The following CUX1 variants were observed in gnomAD, a reference collection of about 807,000 sequenced individuals.
CUX1 encodes the protein protein CASP.
CUX1 carries 31 observed loss-of-function variants against 158.8 expected under a neutral mutation model. That is an observed-to-expected ratio of 0.20 (90% CI 0.15 to 0.26). The LOEUF is 0.26. Ranked by LOEUF, CUX1 falls within the 10% of genes least tolerant of loss-of-function variation. The probability of loss-of-function intolerance (pLI) is 1.00; values close to 1 mark genes in which losing one functional copy is unlikely to be tolerated. For synonymous variants in CUX1, 879 were observed against 862.1 expected (o/e 1.02, Z -0.34); for missense variants, 1,589 against 2,014.6 (o/e 0.79, Z 4.04).
intron 1 of CUX1, among the ~76,000 whole-genome samples, chr7:101,887,138 C>CTTTGCT (rs1307690443): frequency 6.6e-6 from 1 of 152,094 alleles, no homozygotes; most frequent in African/African-American, 2.4e-5. Flanking sequence ...TTTGCAGGGA[C>CTTTGCT]GGTTTGGAAG....
intron 2 of CUX1, among the ~76,000 whole-genome samples, chr7:102,020,300 T>C (rs1391440487): frequency 1.3e-5 from 2 of 152,244 alleles, no homozygotes; most frequent in African/African-American, 4.8e-5. Flanking sequence ...GATGGTTATA[T>C]GGTTCATCTT....
At chr7:102,080,830 C>CTTT (rs1827300520) in intron 4 of CUX1, among the ~76,000 whole-genome samples, 1 of 152,146 alleles carries the variant, frequency 6.6e-6, no homozygotes, top group Non-Finnish European at 1.5e-5. Flanking sequence ...ATCCGAAGAA[C>CTTT]TCAAAGCAAA....
rs567136931 is a variant in CUX1 at position 102,007,173 on chromosome 7, G to A, written c.142-20925G>A. On this transcript the variant is annotated intron_variant, in intron 2 of 23. Coordinates refer to ENST00000292535, the MANE Select transcript of CUX1 (RefSeq NM_181552.4). Reference sequence around the variant, plus strand: ...GATTGAATTTTTGAGACAGGGTCTCGCTCTGTAGCGCAGGCTGGAGTGCAG... The same window carrying A: ...GATTGAATTTTTGAGACAGGGTCTCACTCTGTAGCGCAGGCTGGAGTGCAG... Among the ~76,000 whole-genome samples, 17 of 152,204 alleles carry A rather than the reference G, an allele frequency of 1.1e-4. No homozygotes were observed. In the East Asian group the frequency reaches 1.4e-3, roughly 12 times the overall value.
At chr7:101,840,941 TGGA>T (rs1292488218) in intron 1 of CUX1, among the ~76,000 whole-genome samples, 3 of 152,064 alleles carry the variant, frequency 2.0e-5, no homozygotes, top group Non-Finnish European at 4.4e-5. Context: ...TCGCCCAGGC[TGGA>T]GTGCAGTGGC....
chr7:101,836,055 T>G (rs989674307), intron 1 of CUX1, among the ~76,000 whole-genome samples: 8 of 152,204 alleles, frequency 5.3e-5, no homozygotes. Context: ...AATGTACGAT[T>G]AAATTATGAT....
At chr7:101,910,205 G>A (rs900997728) in intron 1 of CUX1, among the ~76,000 whole-genome samples, 1 of 152,102 alleles carries the variant, frequency 6.6e-6, no homozygotes, top group Non-Finnish European at 1.5e-5. Context: ...GGAGCACAGT[G>A]GCTTGATTAT....
chr7:101,919,205 T>G (rs1383871225), intron 2 of CUX1, among the ~76,000 whole-genome samples: 1 of 151,808 alleles, frequency 6.6e-6, no homozygotes, highest in Non-Finnish European at 1.5e-5. Context: ...CAGGTGTGTG[T>G]GTGTGGGGGG....
chr7:101,854,237 C>T (rs773494109), intron 1 of CUX1, among the ~76,000 whole-genome samples: 14 of 152,168 alleles, frequency 9.2e-5, no homozygotes, highest in East Asian at 1.9e-4. Context: ...GGAAACACTT[C>T]GGTTTTGGTT....
chr7:101,954,108 C>T (rs1226470253), intron 2 of CUX1, among the ~76,000 whole-genome samples: 1 of 152,166 alleles, frequency 6.6e-6, no homozygotes, highest in African/African-American at 2.4e-5. Context: ...GGAGGATCAC[C>T]TGAGACACGA....
chr7:102,223,888 G>C (rs1554527850), intron 20 of CUX1, among the ~76,000 whole-genome samples: 2 of 152,144 alleles, frequency 1.3e-5, no homozygotes, highest in African/African-American at 4.8e-5. Context: ...AGAATCGTTT[G>C]AACCCGGGAG....
rs971008946 is a variant in CUX1 at position 102,254,711 on chromosome 7, G to A, written c.*5669G>A. 1 of 985,376 alleles carries A rather than the reference G, an allele frequency of 1.0e-6. No homozygotes were observed. Among genetic ancestry groups the A allele is most frequent in the East Asian group, 1.1e-4 (1 of 8,822 alleles). The allele number at this position is 985,376 out of a possible 1,614,324, so 61.0% of individuals were successfully genotyped here. ...TCACCTGGGCATCGACGACATTAGG[G>A]AAGCCTTTGTGACCACAAGGGCAGG... is the stretch of plus-strand genomic sequence containing the variant. On this transcript the variant is annotated 3_prime_UTR_variant, in exon 24 of 24. Coordinates refer to ENST00000292535, the MANE Select transcript of CUX1 (RefSeq NM_181552.4).
intron 10 of CUX1, among the ~76,000 whole-genome samples, chr7:102,176,906 A>G (rs1163984579): frequency 6.7e-6 from 1 of 148,982 alleles, no homozygotes; most frequent in Non-Finnish European, 1.5e-5. Flanking sequence ...AAAAAGTACT[A>G]CTTGAGTCAT....
chr7:102,142,937 A>G (rs1834622329), intron 8 of CUX1, among the ~76,000 whole-genome samples: 1 of 152,132 alleles, frequency 6.6e-6, no homozygotes, highest in African/African-American at 2.4e-5. Flanking sequence ...AATAATAATA[A>G]TAATAAAAAC....
chr7:102,143,878 G>A (rs1882739), intron 8 of CUX1, among the ~76,000 whole-genome samples: 15,846 of 152,162 alleles, frequency 0.1, 1,083 homozygotes, highest in Admixed American at 0.17. Context: ...CACCTCCTGG[G>A]TTCAAGCCAT....
intron 20 of CUX1, among the ~76,000 whole-genome samples, chr7:102,222,641 G>T (rs782510577): frequency 1.3e-5 from 2 of 151,682 alleles, no homozygotes; most frequent in African/African-American, 4.8e-5. Context: ...CGAGATTCAC[G>T]CATGTCGATA....
intron 11 of CUX1, among the ~76,000 whole-genome samples, chr7:102,188,196 C>T (rs1174495887): frequency 7.3e-6 from 1 of 137,610 alleles, no homozygotes; most frequent in Non-Finnish European, 1.6e-5. Flanking sequence ...AAGATCCTGT[C>T]TCTTTTTTAA....
intron 3 of CUX1, among the ~76,000 whole-genome samples, chr7:102,030,304 G>T (rs528196378): frequency 6.6e-6 from 1 of 152,026 alleles, no homozygotes; most frequent in Non-Finnish European, 1.5e-5. Flanking sequence ...GAGCCACTGC[G>T]CCCGGCCCAC....
At chr7:102,094,076 T>C (rs1375611216) in intron 4 of CUX1, among the ~76,000 whole-genome samples, 1 of 152,168 alleles carries the variant, frequency 6.6e-6, no homozygotes, top group Non-Finnish European at 1.5e-5. Flanking sequence ...ACAGGTTGGG[T>C]TTTGGCACGC....
At chr7:102,138,909 T>C (rs1554499397) in intron 8 of CUX1, among the ~76,000 whole-genome samples, 1 of 152,178 alleles carries the variant, frequency 6.6e-6, no homozygotes, top group East Asian at 1.9e-4. Context: ...CACATTGTTT[T>C]AAACAATCCA....
Sources: allele counts gnomAD v4.1 joint callset (sites outside exome capture counted in the v4.1 genomes callset), GRCh38; gene constraint gnomAD v4.1.1; transcripts MANE v1.5; gene names NCBI Gene and HGNC (gene_info 2026-07-23, HGNC 2026-07-21).